The following ZNF786 variants were observed in gnomAD, a reference collection of about 807,000 sequenced individuals.
ZNF786 encodes the protein zinc finger protein 786.
ZNF786 carries 56 observed loss-of-function variants against 63.1 expected under a neutral mutation model. That is an observed-to-expected ratio of 0.89 (90% CI 0.72 to 1.11). The LOEUF (loss-of-function observed/expected upper bound fraction) is 1.11. Among genes scored for constraint, ZNF786 ranks in the 50% least tolerant of loss-of-function variants. ZNF786 has a pLI of 0.00. For missense variants in ZNF786, 1,213 were observed against 1,041.8 expected (o/e 1.16, Z -2.26); for synonymous variants, 485 against 406.9 (o/e 1.19, Z -2.31).
chr7:149,074,829 A>T (rs181786943), intron 2 of ZNF786, among the ~76,000 whole-genome samples: 168 of 151,428 alleles, frequency 1.1e-3, no homozygotes, highest in African/African-American at 3.6e-3. Context: ...ATATATATAT[A>T]TATTTTTAAA....
rs1446302199 is a variant in ZNF786 at position 149,070,239 on chromosome 7, T to C, written c.*184A>G. ...AAAAAAAAAAAAAAAGAAAGAAATA[T>C]AATTGGTGATGCTTCTGAAGAGAAA... On this transcript the variant is annotated 3_prime_UTR_variant, in exon 4 of 4. Coordinates refer to ENST00000491431, the MANE Select transcript of ZNF786 (RefSeq NM_152411.4). The C allele has an allele frequency of 3.5e-5, 24 of 682,774 alleles. No individual in the cohort carries two copies. The highest frequency in any genetic ancestry group is 9.1e-4 in the Middle Eastern group (2 of 2,196). The allele number at this position is 682,774 out of a possible 1,614,324, so 42.3% of individuals were successfully genotyped here. A position where few individuals can be genotyped will look rare whatever the true frequency, so the allele number is the denominator to read the frequency against.
Position 149,090,663 on chromosome 7 carries a change from C to G in ZNF786, c.-23G>C. ...CATGGTCCCCGCGGTCCCGCCCGGC[C>G]CTGGCAAACCCGACCGTCTCCGGCG... is the stretch of plus-strand genomic sequence containing the variant. On this transcript the variant is annotated 5_prime_UTR_variant, in exon 1 of 4. Coordinates refer to ENST00000491431, the MANE Select transcript of ZNF786 (RefSeq NM_152411.4). The G allele has an allele frequency of 6.3e-7, 1 of 1,580,496 alleles. No homozygotes were observed. The highest frequency in any genetic ancestry group is 8.6e-7 in the Non-Finnish European group (1 of 1,162,134).
rs1479891065 is a variant in ZNF786 at position 149,072,526 on chromosome 7, C to T, written c.299-53G>A. ...GTATTCCTGTCTGCAGCACTACTAGCGATTCTCACAGTCAAGTGACCCACA... is the reference window on the plus strand; with the variant it reads ...GTATTCCTGTCTGCAGCACTACTAGTGATTCTCACAGTCAAGTGACCCACA... On this transcript the variant is annotated intron_variant, in intron 3 of 3. Transcript: ENST00000491431. 78 of 1,481,992 alleles carry T rather than the reference C, an allele frequency of 5.3e-5. No individual in the cohort carries two copies. In the East Asian group the frequency reaches 1.5e-3, roughly 28 times the overall value. The allele number at this position is 1,481,992 out of a possible 1,614,324, so 91.8% of individuals were successfully genotyped here.
chr7:149,081,155 C>T (rs1233462491), intron 1 of ZNF786: 3 of 456,150 alleles, frequency 6.6e-6, no homozygotes, highest in South Asian at 4.6e-5. Context: ...TTACAGTATT[C>T]AGCCAGGCGC....
chr7:149,085,220 T>C (rs1825716223), intron 1 of ZNF786, among the ~76,000 whole-genome samples: 1 of 152,206 alleles, frequency 6.6e-6, no homozygotes, highest in Non-Finnish European at 1.5e-5. Context: ...AGTCAGGTAG[T>C]GTGATGTCTC....
intron 2 of ZNF786, among the ~76,000 whole-genome samples, chr7:149,078,186 A>T (rs1045272116): frequency 3.9e-5 from 6 of 152,204 alleles, no homozygotes; most frequent in African/African-American, 1.4e-4. Context: ...ATTTTGAACA[A>T]CTGATAAGAA....
chr7:149,071,857 G>C lies in ZNF786; in HGVS notation c.915C>G (p.Ser305=). The C allele has an allele frequency of 6.3e-7, 1 of 1,598,448 alleles. No individual in the cohort carries two copies. The highest frequency in any genetic ancestry group is 1.3e-5 in the African/African-American group (1 of 74,950). The change falls in exon 4 of 4, where the codon TCC becomes TCG. Residue 305 remains serine (S), a synonymous_variant. Coordinates refer to ENST00000491431, the MANE Select transcript of ZNF786 (RefSeq NM_152411.4). ...GAGCCTGCGTGCTGTCCACTGGGAG[G>C]GAGCGCTTGCCGCATGGGGTGCACT... ...PAQCTPCGKR[S]LPVDSTQARR...
intron 1 of ZNF786, among the ~76,000 whole-genome samples, chr7:149,083,045 G>A (rs1290781689): frequency 2.6e-5 from 4 of 151,324 alleles, no homozygotes; most frequent in East Asian, 3.9e-4. Context: ...ACAGGCACAC[G>A]CCACCACACT....
intron 1 of ZNF786, among the ~76,000 whole-genome samples, chr7:149,083,529 TTTA>T (rs1825685149): frequency 2.0e-5 from 3 of 146,722 alleles, no homozygotes; most frequent in African/African-American, 8.3e-5. Context: ...TTTATTTTTA[TTTA>T]TTTATTTGTT....
intron 2 of ZNF786, among the ~76,000 whole-genome samples, chr7:149,075,029 G>A (rs960279493): frequency 6.6e-6 from 1 of 151,824 alleles, no homozygotes. Context: ...GGGTTTCACC[G>A]TGTTGCCCAG....
chr7:149,086,736 C>T (rs1037135919), intron 1 of ZNF786, among the ~76,000 whole-genome samples: 7 of 151,960 alleles, frequency 4.6e-5, no homozygotes, highest in African/African-American at 1.7e-4. Context: ...CTCTTTTTAA[C>T]CAGCTCCCTC....
rs185704293 is a variant in ZNF786 at position 149,081,755 on chromosome 7, G to A, written c.19-1038C>T. On this transcript the variant is annotated intron_variant, in intron 1 of 3. Transcript: ENST00000491431. ...TATAAGGCTGGAAGTCCTAGCCACA[G>A]CAATCAAGCAAGAGAAAGAAATAAA... Among the ~76,000 whole-genome samples, 12 of 152,182 alleles carry A rather than the reference G, an allele frequency of 7.9e-5. No individual in the cohort carries two copies. In the East Asian group the frequency reaches 2.3e-3, roughly 29 times the overall value.
Position 149,089,105 on chromosome 7 carries a change from G to A in ZNF786, c.18+1518C>T, listed in dbSNP as rs146094556. Among the ~76,000 whole-genome samples, 1,142 of 149,252 alleles carry A rather than the reference G, an allele frequency of 7.7e-3. 16 individuals carry two copies. Among genetic ancestry groups the A allele is most frequent in the African/African-American group, 0.027 (1,083 of 40,620 alleles). Reference sequence around the variant, plus strand: ...TGGGACTACAGGCTCCCGCCCACACGCCCAGCTAATTTTTGTTTTTGTATT... The same window carrying A: ...TGGGACTACAGGCTCCCGCCCACACACCCAGCTAATTTTTGTTTTTGTATT... On this transcript the variant is annotated intron_variant, in intron 1 of 3. Coordinates refer to ENST00000491431, the MANE Select transcript of ZNF786 (RefSeq NM_152411.4).
At chr7:149,075,675 T>TG (rs1420755376) in intron 2 of ZNF786, among the ~76,000 whole-genome samples, 14 of 127,242 alleles carry the variant, frequency 1.1e-4, no homozygotes, top group African/African-American at 4.1e-4. Flanking sequence ...TTTTTTTTTT[T>TG]TTTTTTTTGA....
intron 3 of ZNF786, 83 bp downstream of exon 3, chr7:149,074,303 C>T (rs1376753066): frequency 2.6e-5 from 40 of 1,534,084 alleles, no homozygotes; most frequent in Non-Finnish European, 3.5e-5. Context: ...TCAGCTTGCC[C>T]AAACAGGATG....
rs1311923808 is a variant in ZNF786, at chr7:149,071,600, T to C, written c.1172A>G (p.His391Arg). 1.2e-6 allele frequency: 2 copies of C among 1,604,158 alleles called. No individual in the cohort carries two copies. Among genetic ancestry groups the C allele is most frequent in the African/African-American group, 1.3e-5 (1 of 74,822 alleles). Residue 391 changes from histidine (H) to arginine (R), a missense_variant, in exon 4 of 4, where the codon CAT (histidine) becomes CGT (arginine). Transcript: ENST00000491431. Reference sequence around the variant, plus strand: ...ACACTGGAAGGGCTTTTCTCCAGTATGCGCCCTGCAGGGGCTGGCGAGCCT... The same window carrying C: ...ACACTGGAAGGGCTTTTCTCCAGTACGCGCCCTGCAGGGGCTGGCGAGCCT... Reference protein sequence around the residue: ...SARLASPCRAHTGEKPFQCAH... With the variant: ...SARLASPCRARTGEKPFQCAH...
intron 2 of ZNF786, among the ~76,000 whole-genome samples, chr7:149,074,829 A>G (rs181786943): frequency 3.3e-5 from 5 of 151,430 alleles, no homozygotes; most frequent in South Asian, 2.1e-4. Context: ...ATATATATAT[A>G]TATTTTTAAA....
At chr7:149,073,275 A>C (rs750578645) in intron 3 of ZNF786, among the ~76,000 whole-genome samples, 2 of 152,234 alleles carry the variant, frequency 1.3e-5, no homozygotes, top group South Asian at 2.1e-4. Flanking sequence ...TTAAGAATCC[A>C]AAAATCTCAG....
chr7:149,074,326 A>C (rs1034402400), intron 3 of ZNF786, 60 bp downstream of exon 3: 1 of 1,586,772 alleles, frequency 6.3e-7, no homozygotes, highest in Non-Finnish European at 8.6e-7. Context: ...AAGATCAGAG[A>C]AGAGAAACAA....
Sources: allele counts gnomAD v4.1 joint callset (sites outside exome capture counted in the v4.1 genomes callset), GRCh38; gene constraint gnomAD v4.1.1; transcripts MANE v1.5; gene names NCBI Gene and HGNC (gene_info 2026-07-23, HGNC 2026-07-21).